Variants in CSNK1G1 observed in about 807,000 individuals in gnomAD.
CSNK1G1 encodes casein kinase I isoform gamma-1.
CSNK1G1 carries 22 observed loss-of-function variants against 59.6 expected under a neutral mutation model. That is an observed-to-expected ratio of 0.37 (90% CI 0.26 to 0.53). The LOEUF (loss-of-function observed/expected upper bound fraction) is 0.53, where lower values mean the gene tolerates loss of function less well. Among genes scored for constraint, CSNK1G1 ranks in the 20% least tolerant of loss-of-function variants. The probability of loss-of-function intolerance (pLI) is 0.89; values close to 1 mark genes in which losing one functional copy is unlikely to be tolerated. For synonymous variants in CSNK1G1, 179 were observed against 177.1 expected, an observed-to-expected ratio of 1.01 and a Z score of -0.08; for missense variants, 384 against 519.5, an observed-to-expected ratio of 0.74 and a Z score of 2.54.
chr15:64,240,675 C>T (rs1297725190), intron 4 of CSNK1G1, among the ~76,000 whole-genome samples: 1 of 151,872 alleles, frequency 6.6e-6, no homozygotes, highest in Admixed American at 6.6e-5. Flanking sequence ...AAAAATACTA[C>T]ATATAGCAAA....
At chr15:64,234,777 G>A (rs1333923854) in intron 4 of CSNK1G1, among the ~76,000 whole-genome samples, 1 of 151,942 alleles carries the variant, frequency 6.6e-6, no homozygotes, top group Non-Finnish European at 1.5e-5. Context: ...TAGAGAATCT[G>A]CTCTCTCTTG....
chr15:64,263,523 A>G (rs1892810247), intron 2 of CSNK1G1, among the ~76,000 whole-genome samples: 1 of 152,158 alleles, frequency 6.6e-6, no homozygotes, highest in South Asian at 2.1e-4. Flanking sequence ...TCCTGCATTT[A>G]GCTGGGCAGC....
At position 64,213,954 on chromosome 15, in the gene CSNK1G1, A is replaced by G. The variant is rs775232508; in HGVS notation, c.615T>C (p.Tyr205=). The G allele has an allele frequency of 1.2e-6, 2 of 1,614,032 alleles. No homozygotes were observed. Among genetic ancestry groups the G allele is most frequent in the Admixed American group, 1.7e-5 (1 of 60,000 alleles). The change falls in exon 6 of 12, where the codon TAT becomes TAC. Residue 205 remains tyrosine, a synonymous_variant. Transcript: ENST00000303052. ...TTCCAGTTAAACTTTTGTGTTCCCT[A>G]TAAGGTATGTGTTTTTTGGTTTCGG... ...IDPETKKHIP[Y]REHKSLTGTA...
chr15:64,201,227 G>A (rs2082101991), intron 10 of CSNK1G1, among the ~76,000 whole-genome samples: 1 of 140,738 alleles, frequency 7.1e-6, no homozygotes, highest in Admixed American at 7.5e-5. Context: ...ATCTGAGATT[G>A]CACCACTGCA....
At chr15:64,327,170 C>A (rs1477157351) in intron 1 of CSNK1G1, among the ~76,000 whole-genome samples, 3 of 152,374 alleles carry the variant, frequency 2.0e-5, no homozygotes, top group African/African-American at 7.2e-5. Context: ...GTGGAGCCCA[C>A]CACACCTCAA....
chr15:64,234,924 T>C (rs937318142), intron 4 of CSNK1G1, among the ~76,000 whole-genome samples: 6 of 152,128 alleles, frequency 3.9e-5, no homozygotes, highest in African/African-American at 1.4e-4. Context: ...CAATCTCTGC[T>C]AGGGCTTAAA....
chr15:64,307,976 G>A (rs1401821266), intron 1 of CSNK1G1, among the ~76,000 whole-genome samples: 1 of 151,910 alleles, frequency 6.6e-6, no homozygotes, highest in Non-Finnish European at 1.5e-5. Flanking sequence ...GTGAACCACC[G>A]CGCCCTGCCT....
At chr15:64,324,311 A>C (rs1223855593) in intron 1 of CSNK1G1, among the ~76,000 whole-genome samples, 1 of 152,214 alleles carries the variant, frequency 6.6e-6, no homozygotes, top group Non-Finnish European at 1.5e-5. Context: ...AAGAAGATTA[A>C]GATTTGAGTC....
At chr15:64,250,859 T>C (rs1293902627) in intron 4 of CSNK1G1, among the ~76,000 whole-genome samples, 1 of 152,138 alleles carries the variant, frequency 6.6e-6, no homozygotes, top group African/African-American at 2.4e-5. Flanking sequence ...TAATGTCAAA[T>C]AGTGAAAATA....
chr15:64,251,437 CAAAA>C, intron 4 of CSNK1G1, 71 bp downstream of exon 4: 1 of 1,107,454 alleles, frequency 9.0e-7, no homozygotes, highest in Non-Finnish European at 1.3e-6. Flanking sequence ...GCAAACCAGA[CAAAA>C]AAATTTGTAT....
At chr15:64,337,030 C>A (rs1285262893) in intron 1 of CSNK1G1, among the ~76,000 whole-genome samples, 2 of 151,980 alleles carry the variant, frequency 1.3e-5, no homozygotes, top group Non-Finnish European at 2.9e-5. Flanking sequence ...GAGTTCAAGA[C>A]CAGCCTGGCC....
intron 2 of CSNK1G1, among the ~76,000 whole-genome samples, chr15:64,288,880 C>T (rs1304515610): frequency 6.6e-6 from 1 of 151,894 alleles, no homozygotes; most frequent in Non-Finnish European, 1.5e-5. Context: ...TCATAGTCCT[C>T]CTCAAAAATT....
At chr15:64,284,390 T>G (rs1443125587) in intron 2 of CSNK1G1, among the ~76,000 whole-genome samples, 1 of 152,214 alleles carries the variant, frequency 6.6e-6, no homozygotes, top group African/African-American at 2.4e-5. Context: ...GTGTTGAATC[T>G]GTACTTCAAC....
intron 4 of CSNK1G1, among the ~76,000 whole-genome samples, chr15:64,236,966 T>C (rs2082624382): frequency 6.6e-6 from 1 of 152,120 alleles, no homozygotes; most frequent in African/African-American, 2.4e-5. Context: ...CCACAAAAAG[T>C]GTGAGATCCT....
At chr15:64,327,405 C>G (rs201066897) in intron 1 of CSNK1G1, among the ~76,000 whole-genome samples, 8 of 150,344 alleles carry the variant, frequency 5.3e-5, no homozygotes, top group South Asian at 2.1e-4. Flanking sequence ...CACTCCCCAG[C>G]AGGGGCACAC....
chr15:64,305,274 A>C (rs1403727580), intron 1 of CSNK1G1, among the ~76,000 whole-genome samples: 1 of 152,176 alleles, frequency 6.6e-6, no homozygotes, highest in Non-Finnish European at 1.5e-5. Context: ...TATTTAGCAA[A>C]CATTAAGCAA....
Position 64,321,867 on chromosome 15 carries a change from G to A in CSNK1G1, c.-224-21144C>T, listed in dbSNP as rs1010934852. Among the ~76,000 whole-genome samples the A allele has an allele frequency of 2.6e-5, 4 of 152,172 alleles. No individual in the cohort carries two copies. The East Asian group carries it at 7.7e-4, about 29-fold the overall frequency. On this transcript the variant is annotated intron_variant, in intron 1 of 11. Transcript: ENST00000303052. ...TGGAGGGAGTTACAGTTATGATTTG[G>A]GACATAAAGCCTGAATTATTTTTCT...
chr15:64,304,475 G>A (rs368206062), intron 1 of CSNK1G1, among the ~76,000 whole-genome samples: 2 of 150,262 alleles, frequency 1.3e-5, no homozygotes, highest in South Asian at 2.1e-4. Context: ...AGAAATTAAA[G>A]TTACTAAGTT....
chr15:64,310,676 T>C (rs1459465360), intron 1 of CSNK1G1, among the ~76,000 whole-genome samples: 2 of 151,828 alleles, frequency 1.3e-5, no homozygotes, highest in African/African-American at 4.8e-5. Flanking sequence ...ATGATTGTGC[T>C]ACTACCTGGG....
Sources: allele counts gnomAD v4.1 joint callset (sites outside exome capture counted in the v4.1 genomes callset), GRCh38; gene constraint gnomAD v4.1.1; transcripts MANE v1.5; gene names NCBI Gene and HGNC (gene_info 2026-07-23, HGNC 2026-07-21).